SRGAP3: variants seen among roughly 807,000 people sequenced by gnomAD.
The protein encoded by SRGAP3 is SLIT-ROBO Rho GTPase activating protein 3, also known as SLIT-ROBO Rho GTPase-activating protein 3.
Under a neutral mutation model 121.1 loss-of-function variants are expected in SRGAP3, and 39 were observed. The observed-to-expected ratio is 0.32, with a 90% CI of 0.25 to 0.42. The LOEUF (loss-of-function observed/expected upper bound fraction) is 0.42. Ranked by LOEUF, SRGAP3 falls within the 10% of genes least tolerant of loss-of-function variation. SRGAP3 has a pLI of 1.00. For synonymous variants in SRGAP3, 601 were observed against 570.0 expected, an observed-to-expected ratio of 1.05 and a Z score of -0.77; for missense variants, 1,213 against 1,470.6, an observed-to-expected ratio of 0.82 and a Z score of 2.86.
At chr3:9,333,077 T>A (rs556984788) in intron 1 of SRGAP3, among the ~76,000 whole-genome samples, 8 of 152,322 alleles carry the variant, frequency 5.3e-5, no homozygotes, top group Non-Finnish European at 1.2e-4. Context: ...TTTAGTTTTA[T>A]AAAAACCAGA....
intron 3 of SRGAP3, among the ~76,000 whole-genome samples, chr3:9,099,270 C>T (rs1948112337): frequency 1.3e-5 from 2 of 152,104 alleles, no homozygotes; most frequent in African/African-American, 4.8e-5. Context: ...CATGGCCTCG[C>T]TTCTCTGCAA....
In SRGAP3 at chr3:8,990,468, C is replaced by G. The variant is rs113228310; in HGVS notation, c.2886+44G>C. The stretch of plus-strand genomic sequence containing the variant: ...TCCACGGATTCCCACCCGCTGCCCT[C>G]TGGGGCTTTTGGCTGCCCAGCCTGC... On this transcript the variant is annotated intron_variant, in intron 21 of 21. Coordinates refer to ENST00000383836, the MANE Select transcript of SRGAP3 (RefSeq NM_014850.4). 5.9e-4 allele frequency: 911 copies of G among 1,548,994 alleles called. 10 individuals carry two copies. The South Asian group carries it at 7.0e-3, about 12-fold the overall frequency.
rs1947376645 is a variant in SRGAP3, at chr3:9,084,531, T to G, written c.424-4444A>C. The stretch of plus-strand genomic sequence containing the variant: ...ATTAATGACCTTCTGGACAATTGAT[T>G]GGACTGAAGACCCACAGCCTGCCTC... On this transcript the variant is annotated intron_variant, in intron 3 of 21. Coordinates refer to ENST00000383836, the MANE Select transcript of SRGAP3 (RefSeq NM_014850.4). 3.3e-5 allele frequency among the ~76,000 whole-genome samples: 5 copies of G among 152,212 alleles called. No individual in the cohort carries two copies. The South Asian group carries it at 1.0e-3, about 32-fold the overall frequency.
intron 8 of SRGAP3, 100 bp downstream of exon 8, chr3:9,056,133 G>C (rs1280982433): frequency 9.7e-7 from 1 of 1,028,412 alleles, no homozygotes; most frequent in Non-Finnish European, 1.5e-6. Flanking sequence ...CTTATAAGTG[G>C]AACTATCATT....
intron 1 of SRGAP3, among the ~76,000 whole-genome samples, chr3:9,235,212 A>G (rs1213634746): frequency 6.6e-6 from 1 of 152,162 alleles, no homozygotes; most frequent in Non-Finnish European, 1.5e-5. Flanking sequence ...ACTCTATTTC[A>G]AGTCCTCAGC....
At chr3:9,067,821 G>A (rs1478076468) in intron 4 of SRGAP3, among the ~76,000 whole-genome samples, 1 of 151,970 alleles carries the variant, frequency 6.6e-6, no homozygotes, top group African/African-American at 2.4e-5. Flanking sequence ...AAATAAATGA[G>A]TCCATTGAGT....
At chr3:9,202,379 C>T (rs1195313027) in intron 1 of SRGAP3, among the ~76,000 whole-genome samples, 2 of 152,240 alleles carry the variant, frequency 1.3e-5, no homozygotes, top group Non-Finnish European at 2.9e-5. Context: ...TCCCAAGACA[C>T]AGCCTATCCA....
intron 1 of SRGAP3, among the ~76,000 whole-genome samples, chr3:9,213,565 C>T (rs1952516502): frequency 6.6e-6 from 1 of 152,194 alleles, no homozygotes; most frequent in Non-Finnish European, 1.5e-5. Flanking sequence ...ACTGCAATAG[C>T]CCCCAACTGG....
At chr3:9,121,226 C>T (rs1156716472) in intron 2 of SRGAP3, among the ~76,000 whole-genome samples, 1 of 152,162 alleles carries the variant, frequency 6.6e-6, no homozygotes, top group Non-Finnish European at 1.5e-5. Context: ...AAGCACCTGA[C>T]CCACTGCAAT....
Position 9,047,452 on chromosome 3 carries a change from G to A in SRGAP3, c.1347C>T (p.Gly449=). The change falls in exon 10 of 22, where the codon GGC becomes GGT. Residue 449 remains glycine, a synonymous_variant. Transcript: ENST00000383836. ...CCTGCAGCTTGGTGATGAGGTTACTGCCATTCACATACTCTTTAAATTTCT... is the reference window on the plus strand; with the variant it reads ...CCTGCAGCTTGGTGATGAGGTTACTACCATTCACATACTCTTTAAATTTCT... The part of the protein sequence containing the change: ...YFTKFKEYVN[G]SNLITKLQAK... 2 of 1,614,184 alleles carry A rather than the reference G, an allele frequency of 1.2e-6. No individual in the cohort carries two copies. Among genetic ancestry groups the A allele is most frequent in the Non-Finnish European group, 1.7e-6 (2 of 1,180,036 alleles).
At chr3:9,057,767 T>A (rs2045063943) in intron 7 of SRGAP3, among the ~76,000 whole-genome samples, 1 of 152,214 alleles carries the variant, frequency 6.6e-6, no homozygotes. Flanking sequence ...CCATTTGTTT[T>A]TCGTTTGTTT....
chr3:9,164,104 T>G (rs1220948564), intron 1 of SRGAP3, among the ~76,000 whole-genome samples: 3 of 147,914 alleles, frequency 2.0e-5, no homozygotes, highest in Non-Finnish European at 4.5e-5. Context: ...TTCAAGCAAT[T>G]CTCCTGCCTC....
intron 18 of SRGAP3, among the ~76,000 whole-genome samples, chr3:9,000,965 T>C (rs1445187530): frequency 1.3e-5 from 2 of 152,170 alleles, no homozygotes; most frequent in Admixed American, 1.3e-4. Flanking sequence ...GTCACTGAAA[T>C]TAAGCTAGTA....
rs1022266765 is a variant in SRGAP3 at position 9,074,252 on chromosome 3, C to T, written c.486+5773G>A. Among the ~76,000 whole-genome samples, 127 of 152,206 alleles carry T rather than the reference C, an allele frequency of 8.3e-4. 2 individuals carry two copies. Among genetic ancestry groups the T allele is most frequent in the Middle Eastern group, 3.4e-3 (1 of 294 alleles). On this transcript the variant is annotated intron_variant, in intron 4 of 21. Coordinates refer to ENST00000383836, the MANE Select transcript of SRGAP3 (RefSeq NM_014850.4). ...AACTATGTAGGAAAAATATTTATGC[C>T]TCATTCTTTCATAAAAGACACAATG...
chr3:9,151,950 C>A (rs1461735171), intron 1 of SRGAP3, among the ~76,000 whole-genome samples: 1 of 152,208 alleles, frequency 6.6e-6, no homozygotes, highest in Non-Finnish European at 1.5e-5. Flanking sequence ...GGTTCCTGGG[C>A]AGAGCCCCTC....
At chr3:9,361,456 C>T (rs1196361415) in intron 1 of SRGAP3, among the ~76,000 whole-genome samples, 1 of 152,164 alleles carries the variant, frequency 6.6e-6, no homozygotes, top group African/African-American at 2.4e-5. Flanking sequence ...GTTTTAAATT[C>T]GGTTTATCTT....
At chr3:9,295,968 G>A (rs1954948003) in intron 3 of SRGAP3, among the ~76,000 whole-genome samples, 1 of 152,144 alleles carries the variant, frequency 6.6e-6, no homozygotes, top group Non-Finnish European at 1.5e-5. Context: ...GTATTTATCA[G>A]AATTCCTTCC....
intron 1 of SRGAP3, among the ~76,000 whole-genome samples, chr3:9,338,386 G>A (rs746269126): frequency 2.4e-4 from 37 of 152,236 alleles, no homozygotes; most frequent in Admixed American, 6.5e-4. Context: ...TGATATGTTC[G>A]GTTTAGAATC....
chr3:9,340,152 G>A (rs1575017301), intron 1 of SRGAP3, among the ~76,000 whole-genome samples: 1 of 152,258 alleles, frequency 6.6e-6, no homozygotes. Flanking sequence ...GATTCTGCCA[G>A]CACTTTCAGG....
Sources: allele counts gnomAD v4.1 joint callset (sites outside exome capture counted in the v4.1 genomes callset), GRCh38; gene constraint gnomAD v4.1.1; transcripts MANE v1.5; gene names NCBI Gene and HGNC (gene_info 2026-07-23, HGNC 2026-07-21).